RNF128: variants seen among roughly 807,000 people sequenced by gnomAD.
RNF128 encodes the protein ring finger protein 128, also known as E3 ubiquitin-protein ligase RNF128.
RNF128 carries 13 observed loss-of-function variants against 26.2 expected under a neutral mutation model. That is an observed-to-expected ratio of 0.50 (90% CI 0.32 to 0.79). The LOEUF (loss-of-function observed/expected upper bound fraction) is 0.79. RNF128 is among the 30% of genes least tolerant of loss of function. The pLI is 0.03. For synonymous variants in RNF128, 149 were observed against 142.5 expected (o/e 1.05, Z -0.32); for missense variants, 315 against 349.7 (o/e 0.90, Z 0.79).
At chrX:106,792,688 C>G (rs1158224546) in intron 6 of RNF128, among the ~76,000 whole-genome samples, 1 of 111,537 alleles carries the variant, frequency 9.0e-6, no homozygotes, top group Non-Finnish European at 1.9e-5. Flanking sequence ...TCCTTTAAGA[C>G]TGACACCTCT....
Position 106,693,935 on chromosome X carries a change from G to A in RNF128, c.-68G>A, listed in dbSNP as rs968930556. 2.8e-5 allele frequency: 28 copies of A among 1,004,067 alleles called. No individual in the cohort carries two copies. In the African/African-American group the frequency reaches 5.2e-4, roughly 19 times the overall value. The allele number at this position is 1,004,067 out of a possible 1,213,427, so 82.7% of individuals were successfully genotyped here. A position where few individuals can be genotyped will look rare whatever the true frequency, so the allele number is the denominator to read the frequency against. ...ACTTCTGTTCAGCAGGGACGTGAGT[G>A]GACAATGGTGACTGATAGTTGGAAA... is the stretch of plus-strand genomic sequence containing the variant. On this transcript the variant is annotated 5_prime_UTR_variant, in exon 1 of 7. Transcript: ENST00000324342.
chrX:106,725,733 C>T (rs1929382242), upstream of RNF128, among the ~76,000 whole-genome samples: 1 of 112,596 alleles, frequency 8.9e-6, no homozygotes, highest in African/African-American at 3.2e-5. Flanking sequence ...TATTATCCCC[C>T]TTTTACAGAT....
At chrX:106,694,415 A>C (rs755819851) in intron 1 of RNF128, 19 of 1,157,842 alleles carry the variant, frequency 1.6e-5, no homozygotes, top group Non-Finnish European at 5.8e-6. Flanking sequence ...TTTGGTAAGT[A>C]ATAATTGATT....
intron 2 of RNF128, among the ~76,000 whole-genome samples, chrX:106,784,829 G>T (rs1930625886): frequency 9.0e-6 from 1 of 111,729 alleles, no homozygotes; most frequent in African/African-American, 3.2e-5. Context: ...GGTCCCAACA[G>T]TATTGTTTAA....
intron 1 of RNF128, among the ~76,000 whole-genome samples, chrX:106,739,230 G>T (rs1421062436): frequency 9.1e-6 from 1 of 109,573 alleles, no homozygotes; most frequent in Non-Finnish European, 1.9e-5. Flanking sequence ...TGCAATATGG[G>T]CTCACTTCAA....
intron 1 of RNF128, among the ~76,000 whole-genome samples, chrX:106,751,759 C>A (rs1016212077): frequency 9.1e-6 from 1 of 110,440 alleles, no homozygotes; most frequent in African/African-American, 3.3e-5. Flanking sequence ...CATTTCTAGA[C>A]ACACCCTGGG....
chrX:106,738,334 T>C (rs188465075), intron 1 of RNF128, among the ~76,000 whole-genome samples: 1 of 111,942 alleles, frequency 8.9e-6, no homozygotes, highest in Non-Finnish European at 1.9e-5. Context: ...TAAATGCTAG[T>C]TCTCTTGAAC....
chrX:106,788,802 T>G (rs1267196898), intron 4 of RNF128, among the ~76,000 whole-genome samples: 1 of 73,205 alleles, frequency 1.4e-5, no homozygotes, highest in Non-Finnish European at 2.3e-5. Context: ...TAATTATATA[T>G]ACTGTATATA....
At chrX:106,786,263 A>G (rs1261141094) in intron 3 of RNF128, among the ~76,000 whole-genome samples, 1 of 111,801 alleles carries the variant, frequency 8.9e-6, no homozygotes, top group Non-Finnish European at 1.9e-5. Flanking sequence ...ACAGAAATAA[A>G]CCCATATATA....
chrX:106,718,872 G>A (rs954752039), intron 1 of RNF128, among the ~76,000 whole-genome samples: 1 of 111,753 alleles, frequency 8.9e-6, no homozygotes, highest in Non-Finnish European at 1.9e-5. Context: ...TCCCAACTAC[G>A]TGCTAGCACC....
At chrX:106,728,155 G>A (rs1036158833) in intron 1 of RNF128, among the ~76,000 whole-genome samples, 5 of 111,787 alleles carry the variant, frequency 4.5e-5, no homozygotes, top group Admixed American at 1.9e-4. Flanking sequence ...TTCCCCGTCG[G>A]TTATCCTTCC....
Position 106,713,293 on chromosome X carries a change from G to C in RNF128, c.406+18885G>C, listed in dbSNP as rs181547567. On this transcript the variant is annotated intron_variant, in intron 1 of 6. Transcript: ENST00000324342. The stretch of plus-strand genomic sequence containing the variant: ...GGAAGCCAAGGCGGGTGGATTGCTT[G>C]AGCTTAGGAGTTGGAGACCAACCCG... Among the ~76,000 whole-genome samples the C allele has an allele frequency of 6.5e-3, 713 of 110,485 alleles. 4 individuals are homozygous for C. Among genetic ancestry groups the C allele is most frequent in the African/African-American group, 0.022 (675 of 30,479 alleles).
intron 2 of RNF128, among the ~76,000 whole-genome samples, 178 bp downstream of exon 2, chrX:106,773,338 G>T (rs1343664277): frequency 4.5e-5 from 5 of 111,529 alleles, no homozygotes; most frequent in African/African-American, 1.6e-4. Context: ...TTCTATATTT[G>T]TCAAAGAACT....
intron 1 of RNF128, among the ~76,000 whole-genome samples, chrX:106,748,516 A>G (rs1019140939): frequency 8.9e-6 from 1 of 112,122 alleles, no homozygotes; most frequent in Non-Finnish European, 1.9e-5. Flanking sequence ...AATAGCCAAG[A>G]TATGGAATCA....
chrX:106,779,663 C>T lies in RNF128; in HGVS notation c.733-5402C>T, dbSNP rs767881080. Among the ~76,000 whole-genome samples the T allele has an allele frequency of 2.7e-5, 3 of 110,985 alleles. No homozygotes were observed. In the South Asian group the frequency reaches 1.1e-3, roughly 42 times the overall value. On this transcript the variant is annotated intron_variant, in intron 2 of 6. Transcript: ENST00000255499. ...ATCTACTGAGTCAAATTCACCCTTT[C>T]TTCACTGTTCTTCCTTATAGTGTAT...
At chrX:106,749,945 G>T (rs756155301) in intron 1 of RNF128, among the ~76,000 whole-genome samples, 4 of 111,418 alleles carry the variant, frequency 3.6e-5, no homozygotes, top group African/African-American at 6.5e-5. Context: ...CAAGTGAAAA[G>T]AATAGCAAAG....
In RNF128 at chrX:106,733,345, T is replaced by C. The variant is rs185677113; in HGVS notation, c.484+5948T>C. Among the ~76,000 whole-genome samples the C allele has an allele frequency of 1.5e-4, 17 of 111,445 alleles. No individual in the cohort carries two copies. In the East Asian group the frequency reaches 4.8e-3, roughly 32 times the overall value. On this transcript the variant is annotated intron_variant, in intron 1 of 6. Transcript: ENST00000255499. Reference sequence around the variant, plus strand: ...TTCCCCCCTCAGTCCCTGGAAGATATGTGTTTTCAATACAGAATGCCACAT... The same window carrying C: ...TTCCCCCCTCAGTCCCTGGAAGATACGTGTTTTCAATACAGAATGCCACAT...
chrX:106,763,937 G>GTTTGA (rs756751415), intron 1 of RNF128, among the ~76,000 whole-genome samples: 2 of 108,407 alleles, frequency 1.8e-5, no homozygotes, highest in Admixed American at 9.8e-5. Flanking sequence ...TTTTGGTTTG[G>GTTTGA]TTTGGTTTGG....
At chrX:106,726,067 G>A (rs1230543941), upstream of RNF128, among the ~76,000 whole-genome samples, 1 of 112,489 alleles carries the variant, frequency 8.9e-6, no homozygotes, top group African/African-American at 3.2e-5. Flanking sequence ...AGAAAGGCTT[G>A]GTTCTGAGGT....
Sources: gnomAD v4.1 joint callset for allele counts (sites outside exome capture counted in the v4.1 genomes callset) on GRCh38, gnomAD v4.1.1 for gene constraint, MANE v1.5 for transcripts, NCBI Gene and HGNC (gene_info 2026-07-23, HGNC 2026-07-21) for gene names.